XRN1: variants seen among roughly 807,000 people sequenced by gnomAD.
XRN1 encodes strand-exchange protein 1 homolog.
Under a neutral mutation model 222.3 loss-of-function variants are expected in XRN1, and 67 were observed. The observed-to-expected ratio is 0.30, with a 90% CI of 0.25 to 0.37. The LOEUF (loss-of-function observed/expected upper bound fraction) is 0.37, where lower values mean the gene tolerates loss of function less well. XRN1 is among the 10% of genes least tolerant of loss of function. The probability of loss-of-function intolerance (pLI) is 1.00; values close to 1 mark genes in which losing one functional copy is unlikely to be tolerated. For missense variants in XRN1, 1,707 were observed against 2,000.2 expected (o/e 0.85, Z 2.80); for synonymous variants, 643 against 652.4 (o/e 0.99, Z 0.22).
intron 1 of XRN1, among the ~76,000 whole-genome samples, chr3:142,445,458 G>T (rs2070461089): frequency 6.6e-6 from 1 of 151,980 alleles, no homozygotes. Context: ...CCTTTCTGTA[G>T]CTCATTTTTA....
intron 22 of XRN1, among the ~76,000 whole-genome samples, chr3:142,381,563 C>CTTTTTTT (rs766961502): frequency 4.7e-5 from 4 of 84,250 alleles, no homozygotes; most frequent in African/African-American, 9.3e-5. Flanking sequence ...TAAGTTATTG[C>CTTTTTTT]TTTTTTTTTT....
intron 37 of XRN1, 78 bp downstream of exon 37, chr3:142,329,356 C>T (rs2065625086): frequency 2.8e-6 from 3 of 1,080,024 alleles, no homozygotes; most frequent in Non-Finnish European, 3.7e-6. Context: ...TTTATTTTTT[C>T]TAGCTAAACA....
intron 37 of XRN1, among the ~76,000 whole-genome samples, chr3:142,326,218 T>C (rs1245830015): frequency 1.3e-5 from 2 of 151,988 alleles, no homozygotes; most frequent in African/African-American, 4.8e-5. Flanking sequence ...AGTTGCACTG[T>C]ATCTGCAGAT....
In XRN1 at chr3:142,307,383, T is replaced by G. The variant is rs368936964; in HGVS notation, c.*4128A>C. On this transcript the variant is annotated 3_prime_UTR_variant, in exon 41 of 41. Coordinates refer to ENST00000392981, the MANE Select transcript of XRN1 (RefSeq NM_001282857.2). ...CGGCTGGAGGGAAAAAAAAAAAGAC[T>G]TTTTACAGGTTTAACTTTGTAAAAA... 5.3e-5 allele frequency: 8 copies of G among 152,224 alleles called. No individual in the cohort carries two copies. The East Asian group carries it at 5.8e-4, about 11-fold the overall frequency. 9.4% of individuals were successfully genotyped at this position (152,224 alleles called of 1,614,324 possible).
In XRN1 at chr3:142,339,535, A is replaced by G. The variant is rs558304114; in HGVS notation, c.3878-4026T>C. Among the ~76,000 whole-genome samples the G allele has an allele frequency of 8.5e-5, 13 of 152,350 alleles. No individual in the cohort carries two copies. In the South Asian group the frequency reaches 2.5e-3, roughly 29 times the overall value. Reference sequence around the variant, plus strand: ...TCCCCAGACACCAACAAACATCAACAAGCATCAAGACCATCCAGCAAAAAA... The same window carrying G: ...TCCCCAGACACCAACAAACATCAACGAGCATCAAGACCATCCAGCAAAAAA... On this transcript the variant is annotated intron_variant, in intron 33 of 40. Coordinates refer to ENST00000392981, the MANE Select transcript of XRN1 (RefSeq NM_001282857.2).
chr3:142,361,479 T>C (rs981489658), intron 29 of XRN1, among the ~76,000 whole-genome samples: 5 of 152,240 alleles, frequency 3.3e-5, no homozygotes, highest in African/African-American at 4.8e-5. Flanking sequence ...TACATCATGA[T>C]AGCCCACCAA....
chr3:142,311,890 G>T, intron 40 of XRN1, 77 bp from the exon 41 acceptor site: 1 of 1,394,944 alleles, frequency 7.2e-7, no homozygotes. Flanking sequence ...CATAAACCAT[G>T]CATGCTGTTA....
chr3:142,414,320 G>A, intron 13 of XRN1, 29 bp from the exon 14 acceptor site: 1 of 1,500,428 alleles, frequency 6.7e-7, no homozygotes, highest in African/African-American at 1.4e-5. Context: ...TTTTAAACAA[G>A]TGGCATCTTT....
In XRN1 at chr3:142,391,736, T is replaced by TAA. The variant is rs201046497; in HGVS notation, c.2339+5591_2339+5592dup. 1.4e-3 allele frequency among the ~76,000 whole-genome samples: 167 copies of TAA among 122,138 alleles called. 2 individuals are homozygous for TAA. The East Asian group carries it at 0.026, about 19-fold the overall frequency. The allele number at this position is 122,138 out of a possible 152,430, so 80.1% of individuals were successfully genotyped here. ...GTGACATAGTAAGACCCCGTCTCAC[T>TAA]AAAAAAAAAAAAAATATATATATAT... is the stretch of plus-strand genomic sequence containing the variant. On this transcript the variant is annotated intron_variant, in intron 20 of 40. Transcript: ENST00000392981.
chr3:142,356,847 A>G (rs2066478771), intron 31 of XRN1, 65 bp downstream of exon 31: 9 of 1,521,392 alleles, frequency 5.9e-6, no homozygotes, highest in Non-Finnish European at 7.2e-6. Flanking sequence ...TTACATTTAC[A>G]AAGTCTGCTG....
chr3:142,307,959 T>G lies in XRN1; in HGVS notation c.*3552A>C, dbSNP rs1276828947. The stretch of plus-strand genomic sequence containing the variant: ...TGTCTTCTACAGTAAAAACAAAATT[T>G]GGAAGCAACATGATACCAAGAAATA... On this transcript the variant is annotated 3_prime_UTR_variant, in exon 41 of 41. Transcript: ENST00000392981. The G allele has an allele frequency of 1.3e-5, 2 of 152,158 alleles. No homozygotes were observed. Among genetic ancestry groups the G allele is most frequent in the African/African-American group, 4.8e-5 (2 of 41,444 alleles). The allele number at this position is 152,158 out of a possible 1,614,324, so 9.4% of individuals were successfully genotyped here.
chr3:142,375,880 C>T lies in XRN1; in HGVS notation c.2896G>A (p.Val966Ile). ...NLKFNKKNEE[V>I]PGYTKKVGSE... is the part of the protein sequence containing the mutation. ...CCAACTTTCTTAGTATATCCAGGTA[C>T]CTCCTCATTTTTCTTGTTGAATTTG... The change falls in exon 25 of 41, where the codon GTA becomes ATA. Residue 966 changes from valine (V) to isoleucine (I), a missense_variant. Physicochemically the swap from Val to Ile is conservative, Grantham distance 29. Transcript: ENST00000392981. 1 of 1,613,796 alleles carries T rather than the reference C, an allele frequency of 6.2e-7. No homozygotes were observed. The highest frequency in any genetic ancestry group is 8.5e-7 in the Non-Finnish European group (1 of 1,179,944).
chr3:142,387,187 T>C (rs976000730), intron 20 of XRN1, among the ~76,000 whole-genome samples: 3 of 152,140 alleles, frequency 2.0e-5, no homozygotes, highest in Admixed American at 6.6e-5. Flanking sequence ...AGAATCACAA[T>C]ACTGACCAAA....
intron 12 of XRN1, 51 bp downstream of exon 12, chr3:142,418,453 G>A: frequency 3.5e-6 from 5 of 1,432,914 alleles, no homozygotes; most frequent in Non-Finnish European, 4.8e-6. Context: ...CTGAATAACT[G>A]CAAAATCTAA....
chr3:142,314,066 A>C (rs2065144367), intron 39 of XRN1, among the ~76,000 whole-genome samples: 1 of 152,200 alleles, frequency 6.6e-6, no homozygotes, highest in Non-Finnish European at 1.5e-5. Flanking sequence ...TCCCCAATAA[A>C]TCACTGTTAC....
intron 33 of XRN1, among the ~76,000 whole-genome samples, chr3:142,337,917 C>T (rs558807246): frequency 1.3e-5 from 2 of 152,226 alleles, no homozygotes; most frequent in East Asian, 3.9e-4. Context: ...CAGAAGTTAA[C>T]CAAAGGCTTG....
chr3:142,318,467 G>T, intron 39 of XRN1, 125 bp downstream of exon 39: 1 of 873,748 alleles, frequency 1.1e-6, no homozygotes, highest in Non-Finnish European at 1.8e-6. Context: ...GCAGGCTGTG[G>T]CTTTAGGCTT....
At position 142,379,172 on chromosome 3, in the gene XRN1, G is replaced by A. The variant is rs545878787; in HGVS notation, c.2715+910C>T. On this transcript the variant is annotated intron_variant, in intron 23 of 40. Coordinates refer to ENST00000392981, the MANE Select transcript of XRN1 (RefSeq NM_001282857.2). ...TGTAATCCCAGCTACTTGGGAGGCT[G>A]AGGCAGGAGAATCACTTGAACCAGG... 7.2e-5 allele frequency among the ~76,000 whole-genome samples: 11 copies of A among 152,226 alleles called. No homozygotes were observed. In the East Asian group the frequency reaches 1.5e-3, roughly 21 times the overall value.
At chr3:142,410,880 T>C (rs1434484115) in intron 15 of XRN1, among the ~76,000 whole-genome samples, 1 of 152,130 alleles carries the variant, frequency 6.6e-6, no homozygotes, top group East Asian at 1.9e-4. Flanking sequence ...CCATGTCAAA[T>C]TTGGGTCTCT....
Sources: gnomAD v4.1 joint callset for allele counts (sites outside exome capture counted in the v4.1 genomes callset) on GRCh38, gnomAD v4.1.1 for gene constraint, MANE v1.5 for transcripts, NCBI Gene and HGNC (gene_info 2026-07-23, HGNC 2026-07-21) for gene names.